The following ZDHHC21 variants were observed in gnomAD, a reference collection of about 807,000 sequenced individuals.
ZDHHC21 encodes the protein palmitoyltransferase ZDHHC21.
A neutral mutation model predicts 34.6 loss-of-function variants in ZDHHC21; 15 were observed. The ratio of observed to expected loss-of-function variants is 0.43; its 90% CI spans 0.29 to 0.67. ZDHHC21 has a LOEUF of 0.67. ZDHHC21 is among the 30% of genes least tolerant of loss of function. The probability of loss-of-function intolerance (pLI) is 0.14; values close to 1 mark genes in which losing one functional copy is unlikely to be tolerated. For missense variants in ZDHHC21, 344 were observed against 327.7 expected, an observed-to-expected ratio of 1.05 and a Z score of -0.38; for synonymous variants, 142 against 101.8, an observed-to-expected ratio of 1.40 and a Z score of -2.38.
At chr9:14,605,075 C>T in the ZDHHC21 span, among the ~76,000 whole-genome samples, 10 of 152,036 alleles carry the variant, frequency 6.6e-5, no homozygotes, top group East Asian at 1.9e-4. Flanking sequence ...TTCCATTGTA[C>T]GTATATACTA....
At chr9:14,621,461 C>T (rs760898240) in intron 8 of ZDHHC21, among the ~76,000 whole-genome samples, 1 of 151,908 alleles carries the variant, frequency 6.6e-6, no homozygotes, top group African/African-American at 2.4e-5. Flanking sequence ...GTTTTTGATA[C>T]CTTTCTTGAA....
chr9:14,662,181 C>A (rs1344389216), intron 6 of ZDHHC21, 34 bp downstream of exon 6: 1 of 1,462,290 alleles, frequency 6.8e-7, no homozygotes, highest in South Asian at 1.3e-5. Flanking sequence ...ATTACCCACC[C>A]CTCTTTTCTT....
At chr9:14,625,096 A>G (rs555544236) in intron 8 of ZDHHC21, among the ~76,000 whole-genome samples, 17 of 149,472 alleles carry the variant, frequency 1.1e-4, no homozygotes, top group Non-Finnish European at 2.1e-4. Flanking sequence ...AGCTCATTTA[A>G]CTTTAAATTT....
intron 3 of ZDHHC21, among the ~76,000 whole-genome samples, chr9:14,678,597 T>A (rs753341487): frequency 1.3e-5 from 2 of 152,076 alleles, no homozygotes; most frequent in Non-Finnish European, 1.5e-5. Context: ...GATACAATCA[T>A]CCTGGGAGGG....
intron 2 of ZDHHC21, among the ~76,000 whole-genome samples, chr9:14,681,200 A>G (rs570272362): frequency 2.0e-5 from 3 of 152,256 alleles, no homozygotes; most frequent in Admixed American, 2.0e-4. Context: ...TACATATGAC[A>G]CGTGATGATA....
chr9:14,594,635 G>A, the ZDHHC21 span, among the ~76,000 whole-genome samples: 148 of 152,078 alleles, frequency 9.7e-4, 2 homozygotes, highest in African/African-American at 3.5e-3. Flanking sequence ...CATGACCTTG[G>A]GTTAAGCAAA....
chr9:14,677,499 A>C (rs1299168148), intron 3 of ZDHHC21: 2 of 151,968 alleles, frequency 1.3e-5, no homozygotes, highest in Non-Finnish European at 2.9e-5. Context: ...GCAACAACCA[A>C]ACTGAACACA....
the ZDHHC21 span, among the ~76,000 whole-genome samples, chr9:14,593,282 G>A: frequency 1.3e-5 from 2 of 151,998 alleles, no homozygotes; most frequent in African/African-American, 4.8e-5. Context: ...AAGAAGATAG[G>A]TTTCCAAAAT....
intron 2 of ZDHHC21, among the ~76,000 whole-genome samples, chr9:14,685,039 T>A (rs146988672): frequency 6.6e-6 from 1 of 152,258 alleles, no homozygotes; most frequent in African/African-American, 2.4e-5. Context: ...TTAAGCCTTA[T>A]ACAAAAATTA....
chr9:14,632,421 A>AC (rs557419502), intron 8 of ZDHHC21, among the ~76,000 whole-genome samples: 1 of 152,092 alleles, frequency 6.6e-6, no homozygotes, highest in Non-Finnish European at 1.5e-5. Context: ...ATGGACCCCT[A>AC]CTTCACACAA....
chr9:14,686,735 G>T (rs1255026426), intron 2 of ZDHHC21, among the ~76,000 whole-genome samples: 1 of 151,926 alleles, frequency 6.6e-6, no homozygotes, highest in Non-Finnish European at 1.5e-5. Flanking sequence ...CACTTTGGGA[G>T]GCCGAGGTGG....
At chr9:14,673,112 T>C (rs150496151) in intron 4 of ZDHHC21, among the ~76,000 whole-genome samples, 184 bp from the exon 5 acceptor site, 5 of 152,162 alleles carry the variant, frequency 3.3e-5, no homozygotes, top group African/African-American at 4.8e-5. Flanking sequence ...CTATCTTAAA[T>C]AGTCCTAATT....
intron 7 of ZDHHC21, among the ~76,000 whole-genome samples, chr9:14,642,360 T>C (rs968419926): frequency 3.3e-5 from 5 of 152,176 alleles, no homozygotes; most frequent in Admixed American, 6.5e-5. Context: ...TTAACACTTT[T>C]TGAATCCAAA....
chr9:14,676,019 T>C (rs1836306963), intron 3 of ZDHHC21, among the ~76,000 whole-genome samples: 1 of 151,914 alleles, frequency 6.6e-6, no homozygotes, highest in South Asian at 2.1e-4. Flanking sequence ...ATGAAGGACA[T>C]AAAGATGCCA....
rs904608462 is a variant in ZDHHC21 at position 14,611,513 on chromosome 9, T to C, written c.*7453A>G. ...GGAAAACAGCACTCAGATCTATACA[T>C]ATTATGTACTGAATAATAAAATGCC... is the stretch of plus-strand genomic sequence containing the variant. On this transcript the variant is annotated 3_prime_UTR_variant, in exon 10 of 10. Transcript: ENST00000380916. The C allele has an allele frequency of 2.0e-5, 3 of 152,172 alleles. No homozygotes were observed. Among genetic ancestry groups the C allele is most frequent in the African/African-American group, 7.2e-5 (3 of 41,560 alleles). 9.4% of individuals were successfully genotyped at this position (152,172 alleles called of 1,614,324 possible). A position where few individuals can be genotyped will look rare whatever the true frequency, so the allele number is the denominator to read the frequency against.
intron 9 of ZDHHC21, among the ~76,000 whole-genome samples, chr9:14,619,306 G>A (rs1824841802): frequency 6.6e-6 from 1 of 152,068 alleles, no homozygotes; most frequent in African/African-American, 2.4e-5. Flanking sequence ...AATCAACCGA[G>A]CGCAACTTTT....
chr9:14,593,239 AC>A, the ZDHHC21 span, among the ~76,000 whole-genome samples: 1 of 152,170 alleles, frequency 6.6e-6, no homozygotes, highest in Non-Finnish European at 1.5e-5. Flanking sequence ...AAATTGACAA[AC>A]CTTTAAGTAC....
intron 8 of ZDHHC21, among the ~76,000 whole-genome samples, chr9:14,630,068 A>C (rs775097255): frequency 1.3e-5 from 2 of 152,280 alleles, no homozygotes; most frequent in Non-Finnish European, 2.9e-5. Context: ...AAGCAAAAAA[A>C]CCAATAAAGT....
chr9:14,596,888 G>A, the ZDHHC21 span, among the ~76,000 whole-genome samples: 1 of 152,080 alleles, frequency 6.6e-6, no homozygotes, highest in Non-Finnish European at 1.5e-5. Context: ...GAATTCAGCA[G>A]GGCAGTGTCA....
Sources: allele counts gnomAD v4.1 joint callset (sites outside exome capture counted in the v4.1 genomes callset), GRCh38; gene constraint gnomAD v4.1.1; transcripts MANE v1.5; gene names NCBI Gene and HGNC (gene_info 2026-07-23, HGNC 2026-07-21).